The following KCNJ6 variants were observed in gnomAD, a reference collection of about 807,000 sequenced individuals.
The protein encoded by KCNJ6 is potassium inwardly rectifying channel subfamily J member 6.
A neutral mutation model predicts 34.2 loss-of-function variants in KCNJ6; 9 were observed. That is an observed-to-expected ratio of 0.26 (90% CI 0.16 to 0.46). The LOEUF (loss-of-function observed/expected upper bound fraction) is 0.46, where lower values mean the gene tolerates loss of function less well. Among genes scored for constraint, KCNJ6 ranks in the 20% least tolerant of loss-of-function variants. The probability of loss-of-function intolerance (pLI) is 1.00; values close to 1 mark genes in which losing one functional copy is unlikely to be tolerated. For synonymous variants in KCNJ6, 196 were observed against 207.1 expected (o/e 0.95, Z 0.46); for missense variants, 236 against 531.3 (o/e 0.44, Z 5.46).
In KCNJ6 at chr21:37,914,333, A is replaced by C. The variant is rs146947506; in HGVS notation, c.-28+1551T>G. On this transcript the variant is annotated intron_variant, in intron 1 of 3. Transcript: ENST00000609713. ...GTACTGCTTGCTGGGGGCTGCAGAC[A>C]GGTGAGGCTTCACCCTCGGCGCCTG... Among the ~76,000 whole-genome samples the C allele has an allele frequency of 1.9e-3, 291 of 152,324 alleles. 1 individual carries two copies. The highest frequency in any genetic ancestry group is 0.019 in the South Asian group (90 of 4,830).
intron 1 of KCNJ6, among the ~76,000 whole-genome samples, chr21:37,863,652 T>C (rs2055605723): frequency 6.6e-6 from 1 of 152,150 alleles, no homozygotes; most frequent in African/African-American, 2.4e-5. Flanking sequence ...GGCACTTTGC[T>C]ACATGTGACA....
At chr21:37,829,588 G>A (rs1161517619) in intron 2 of KCNJ6, among the ~76,000 whole-genome samples, 1 of 152,158 alleles carries the variant, frequency 6.6e-6, no homozygotes, top group Non-Finnish European at 1.5e-5. Context: ...CCCCAGTGAT[G>A]ATGGTGGCCG....
At chr21:37,879,525 A>G (rs1180704633) in intron 1 of KCNJ6, among the ~76,000 whole-genome samples, 1 of 152,096 alleles carries the variant, frequency 6.6e-6, no homozygotes, top group East Asian at 1.9e-4. Flanking sequence ...CCAGGACTAC[A>G]CTAAGTTCAC....
At chr21:37,914,014 T>C (rs376425593) in intron 1 of KCNJ6, among the ~76,000 whole-genome samples, 1 of 140,778 alleles carries the variant, frequency 7.1e-6, no homozygotes, top group Non-Finnish European at 1.5e-5. Context: ...TCGGGGTGTG[T>C]GTGTGTGTGT....
At chr21:37,788,791 G>C (rs925917895) in intron 2 of KCNJ6, among the ~76,000 whole-genome samples, 1 of 152,176 alleles carries the variant, frequency 6.6e-6, no homozygotes, top group African/African-American at 2.4e-5. Flanking sequence ...ACGCATGTGT[G>C]AGCCCTGCCA....
intron 3 of KCNJ6, among the ~76,000 whole-genome samples, chr21:37,630,623 A>G (rs2054329968): frequency 6.6e-6 from 1 of 152,332 alleles, no homozygotes; most frequent in East Asian, 1.9e-4. Flanking sequence ...ACAATGCTGG[A>G]AAATTACAAA....
In KCNJ6 at chr21:37,616,592, T is replaced by TATATATATATATATATATATATATAC. The variant is rs1556008727; in HGVS notation, c.*8566_*8567insGTATATATATATATATATATATATAT. The TATATATATATATATATATATATATAC allele has an allele frequency of 5.1e-5, 5 of 97,868 alleles. No individual in the cohort carries two copies. The East Asian group carries it at 1.4e-3, about 28-fold the overall frequency. The allele number at this position is 97,868 out of a possible 1,614,324, so 6.1% of individuals were successfully genotyped here. A position where few individuals can be genotyped will look rare whatever the true frequency, so the allele number is the denominator to read the frequency against. ...TTATGAAGCAGGAACAAAATGTACATATATATATATATATATATATATATG... is the reference window on the plus strand; with the variant it reads ...TTATGAAGCAGGAACAAAATGTACATATATATATATATATATATATATATACATATATATATATATATATATATATG... On this transcript the variant is annotated 3_prime_UTR_variant, in exon 4 of 4. Coordinates refer to ENST00000609713, the MANE Select transcript of KCNJ6 (RefSeq NM_002240.5).
intron 3 of KCNJ6, among the ~76,000 whole-genome samples, chr21:37,712,542 C>CT (rs2054760932): frequency 9.5e-6 from 1 of 105,294 alleles, no homozygotes; most frequent in African/African-American, 5.4e-5. Context: ...TTCCCTCCCT[C>CT]CTCCTCCCTC....
chr21:37,881,911 G>A (rs1031617450), intron 1 of KCNJ6, among the ~76,000 whole-genome samples: 10 of 152,258 alleles, frequency 6.6e-5, no homozygotes, highest in African/African-American at 1.9e-4. Flanking sequence ...AGTAAATAGG[G>A]CAGTGCTAAG....
At chr21:37,734,197 T>C (rs146158402) in intron 2 of KCNJ6, among the ~76,000 whole-genome samples, 83 of 152,294 alleles carry the variant, frequency 5.4e-4, no homozygotes, top group Non-Finnish European at 1.0e-3. Flanking sequence ...GGAATATCAT[T>C]TTTCTTCTCA....
Position 37,675,796 on chromosome 21 carries a change from C to A in KCNJ6, c.946+38415G>T, listed in dbSNP as rs2054562131. Among the ~76,000 whole-genome samples the A allele has an allele frequency of 6.6e-6, 1 of 152,198 alleles. No homozygotes were observed. Among genetic ancestry groups the A allele is most frequent in the Non-Finnish European group, 1.5e-5 (1 of 68,024 alleles). ...AAACAGTCCATCACTGTTACATTGA[C>A]TCCCAAATTCCTATGCTAGAGTTAC... On this transcript the variant is annotated intron_variant, in intron 3 of 3. Transcript: ENST00000609713. This position sits in a 1 kb window ranked among gnomAD's most constrained non-coding sequence, Gnocchi z 4.2.
At chr21:37,716,228 T>G (rs1198144089) in intron 2 of KCNJ6, among the ~76,000 whole-genome samples, 1 of 152,192 alleles carries the variant, frequency 6.6e-6, no homozygotes, top group Non-Finnish European at 1.5e-5. Flanking sequence ...TGTACTTTAA[T>G]GGTTGATTCA....
At chr21:37,644,455 G>A (rs1185046631) in intron 3 of KCNJ6, among the ~76,000 whole-genome samples, 2 of 152,086 alleles carry the variant, frequency 1.3e-5, no homozygotes, top group African/African-American at 2.4e-5. Context: ...ACAACTTTTG[G>A]TTCCCCAAAC....
At chr21:37,763,108 T>C (rs948714405) in intron 2 of KCNJ6, among the ~76,000 whole-genome samples, 1 of 151,904 alleles carries the variant, frequency 6.6e-6, no homozygotes, top group African/African-American at 2.4e-5. Flanking sequence ...GATGATGGCA[T>C]GTGAGGAGGA....
At chr21:37,902,288 G>A (rs927118874) in intron 1 of KCNJ6, among the ~76,000 whole-genome samples, 4 of 152,150 alleles carry the variant, frequency 2.6e-5, no homozygotes, top group South Asian at 2.1e-4. Flanking sequence ...CTCCTCCATC[G>A]TTTAAATATC....
chr21:37,898,587 G>GAAAAAAAAAAAAAAAA (rs112946268), intron 1 of KCNJ6, among the ~76,000 whole-genome samples: 1 of 89,056 alleles, frequency 1.1e-5, no homozygotes. Flanking sequence ...CATCTCAAAA[G>GAAAAAAAAAAAAAAAA]AAAAAAAAAA....
chr21:37,652,600 A>G (rs1395550269), intron 3 of KCNJ6, among the ~76,000 whole-genome samples: 1 of 152,166 alleles, frequency 6.6e-6, no homozygotes, highest in East Asian at 1.9e-4. Context: ...GGGATTATTT[A>G]TAGTGTTTTA....
chr21:37,865,634 C>T (rs1238222783), intron 1 of KCNJ6, among the ~76,000 whole-genome samples: 1 of 152,238 alleles, frequency 6.6e-6, no homozygotes, highest in Admixed American at 6.5e-5. Context: ...TTGTCCATGT[C>T]ATACCCCTGT....
intron 3 of KCNJ6, among the ~76,000 whole-genome samples, chr21:37,686,843 A>G (rs1053548797): frequency 1.3e-5 from 2 of 151,902 alleles, no homozygotes; most frequent in African/African-American, 4.8e-5. Context: ...TCAAATTCAC[A>G]TGCAGCAGGT....
Sources: allele counts gnomAD v4.1 joint callset (sites outside exome capture counted in the v4.1 genomes callset), GRCh38; gene constraint gnomAD v4.1.1; non-coding constraint Gnocchi (gnomAD v3.1); transcripts MANE v1.5; gene names NCBI Gene and HGNC (gene_info 2026-07-23, HGNC 2026-07-21).